The following CALN1 variants were observed in gnomAD, a reference collection of about 807,000 sequenced individuals.
CALN1 encodes calneuron 1.
CALN1 carries 17 observed loss-of-function variants against 30.6 expected under a neutral mutation model. That is an observed-to-expected ratio of 0.56 (90% CI 0.38 to 0.83). The LOEUF (loss-of-function observed/expected upper bound fraction) is 0.83. Among genes scored for constraint, CALN1 ranks in the 40% least tolerant of loss-of-function variants. CALN1 has a pLI of 0.00. For missense variants in CALN1, 291 were observed against 354.9 expected (o/e 0.82, Z 1.45); for synonymous variants, 156 against 131.4 (o/e 1.19, Z -1.28).
chr7:72,134,029 G>A (rs1296597653), intron 3 of CALN1, among the ~76,000 whole-genome samples: 2 of 152,190 alleles, frequency 1.3e-5, no homozygotes, highest in Admixed American at 1.3e-4. Context: ...AGGCCTTTGG[G>A]GAAGTGGTTA....
At chr7:72,422,044 G>T (rs116057640) in intron 1 of CALN1, among the ~76,000 whole-genome samples, 52 of 152,218 alleles carry the variant, frequency 3.4e-4, no homozygotes, top group African/African-American at 1.2e-3. Flanking sequence ...CCGCACTTAG[G>T]CTGGTTCCAC....
At chr7:72,422,662 T>C (rs1807651587) in intron 1 of CALN1, among the ~76,000 whole-genome samples, 1 of 152,200 alleles carries the variant, frequency 6.6e-6, no homozygotes, top group Non-Finnish European at 1.5e-5. Flanking sequence ...CATTTACCTG[T>C]TTCATTCTTA....
chr7:72,065,830 T>A (rs1803983333), intron 4 of CALN1, among the ~76,000 whole-genome samples: 1 of 151,926 alleles, frequency 6.6e-6, no homozygotes, highest in Non-Finnish European at 1.5e-5. Flanking sequence ...GAGGCAGAGG[T>A]TGCAGTGAGC....
intron 5 of CALN1, among the ~76,000 whole-genome samples, chr7:71,854,723 T>C (rs1286441274): frequency 2.6e-5 from 4 of 152,186 alleles, no homozygotes; most frequent in African/African-American, 7.2e-5. Flanking sequence ...TCACAGAAAT[T>C]TTCAGATTTG....
At chr7:71,841,021 A>G (rs941751470) in intron 5 of CALN1, among the ~76,000 whole-genome samples, 9 of 152,286 alleles carry the variant, frequency 5.9e-5, no homozygotes, top group African/African-American at 1.9e-4. Flanking sequence ...ATGATAGCCT[A>G]GAGCTCTTCA....
the CALN1 span, among the ~76,000 whole-genome samples, chr7:72,477,510 T>C: frequency 2.6e-5 from 4 of 152,270 alleles, no homozygotes; most frequent in Admixed American, 6.5e-5. Flanking sequence ...CTTGAACTCC[T>C]GGGCTCAAGC....
intron 5 of CALN1, among the ~76,000 whole-genome samples, chr7:71,837,998 T>C (rs759468960): frequency 2.6e-5 from 4 of 152,108 alleles, no homozygotes; most frequent in Non-Finnish European, 4.4e-5. Context: ...ATTACACTGA[T>C]TAGTAGATTA....
chr7:72,258,820 A>C (rs1350899365), intron 3 of CALN1, among the ~76,000 whole-genome samples: 2 of 151,776 alleles, frequency 1.3e-5, no homozygotes, highest in African/African-American at 4.8e-5. Context: ...TGGGAGGCTG[A>C]GACGGGCAGA....
intron 2 of CALN1, among the ~76,000 whole-genome samples, chr7:72,348,299 CGT>C (rs765393084): frequency 2.0e-5 from 3 of 152,166 alleles, no homozygotes; most frequent in Non-Finnish European, 4.4e-5. Flanking sequence ...GTACAAATTA[CGT>C]GTGTCCTGCA....
At chr7:72,183,773 T>C (rs1789984646) in intron 3 of CALN1, among the ~76,000 whole-genome samples, 1 of 152,192 alleles carries the variant, frequency 6.6e-6, no homozygotes, top group Non-Finnish European at 1.5e-5. Context: ...CATTTTTGAA[T>C]GTTAATGTTC....
At chr7:72,132,040 T>C (rs1563084246) in intron 3 of CALN1, among the ~76,000 whole-genome samples, 1 of 152,216 alleles carries the variant, frequency 6.6e-6, no homozygotes, top group Non-Finnish European at 1.5e-5. Context: ...TCGCTCAATG[T>C]ATATGCAATA....
At chr7:72,048,620 A>G (rs1456074331) in intron 4 of CALN1, among the ~76,000 whole-genome samples, 3 of 152,142 alleles carry the variant, frequency 2.0e-5, no homozygotes, top group Non-Finnish European at 4.4e-5. Context: ...AGAGGTAAAT[A>G]TAAGTGCTTT....
In CALN1 at chr7:72,238,947, C is replaced by T. The variant is rs190098110; in HGVS notation, c.244+39739G>A. Reference sequence around the variant, plus strand: ...AGACCTCTCATGATCAGACATCCCCCACTAATGTGGACAAAGCTAGGAAGC... The same window carrying T: ...AGACCTCTCATGATCAGACATCCCCTACTAATGTGGACAAAGCTAGGAAGC... On this transcript the variant is annotated intron_variant, in intron 3 of 6. Transcript: ENST00000395275. 5.1e-4 allele frequency among the ~76,000 whole-genome samples: 77 copies of T among 152,322 alleles called. 1 individual carries two copies. The highest frequency in any genetic ancestry group is 1.2e-4 in the Non-Finnish European group (8 of 68,026).
chr7:72,038,739 G>C (rs1342621031), intron 4 of CALN1, among the ~76,000 whole-genome samples: 1 of 152,064 alleles, frequency 6.6e-6, no homozygotes, highest in Admixed American at 6.6e-5. Flanking sequence ...AGTGACCTCT[G>C]GTCCTCCTCA....
chr7:72,150,309 T>C (rs932492773), intron 3 of CALN1, among the ~76,000 whole-genome samples: 1 of 152,210 alleles, frequency 6.6e-6, no homozygotes, highest in Admixed American at 6.5e-5. Context: ...AAATACTTTG[T>C]ATGTTTTAGG....
chr7:72,471,360 C>T, the CALN1 span, among the ~76,000 whole-genome samples: 1 of 152,164 alleles, frequency 6.6e-6, no homozygotes, highest in Non-Finnish European at 1.5e-5. Flanking sequence ...GGGCCTAAAA[C>T]CCATTGGTGC....
chr7:71,955,184 A>C (rs969131853), intron 5 of CALN1, among the ~76,000 whole-genome samples: 3 of 152,176 alleles, frequency 2.0e-5, no homozygotes, highest in Non-Finnish European at 4.4e-5. Context: ...GAACCAAGCG[A>C]AACGGAAAAC....
At chr7:72,380,999 G>A (rs984506643) in intron 2 of CALN1, among the ~76,000 whole-genome samples, 12 of 152,144 alleles carry the variant, frequency 7.9e-5, no homozygotes, top group East Asian at 1.9e-4. Context: ...AAGGAGAGAG[G>A]AATGAAACAT....
intron 5 of CALN1, among the ~76,000 whole-genome samples, chr7:72,019,547 G>A (rs1800588785): frequency 6.6e-6 from 1 of 152,196 alleles, no homozygotes; most frequent in South Asian, 2.1e-4. Context: ...GAGGGAAACT[G>A]GCTGCCATGT....
Sources: gnomAD v4.1 joint callset for allele counts (sites outside exome capture counted in the v4.1 genomes callset) on GRCh38, gnomAD v4.1.1 for gene constraint, MANE v1.5 for transcripts, NCBI Gene and HGNC (gene_info 2026-07-23, HGNC 2026-07-21) for gene names.